The following LRRC56 variants were observed in gnomAD, a reference collection of about 807,000 sequenced individuals.
LRRC56 encodes leucine-rich repeat-containing protein 56.
Under a neutral mutation model 47.8 loss-of-function variants are expected in LRRC56, and 41 were observed. The observed-to-expected ratio is 0.86, with a 90% CI of 0.67 to 1.11. The LOEUF is 1.11. Ranked by LOEUF, LRRC56 falls within the 50% of genes most tolerant of loss-of-function variation. The pLI, the probability that LRRC56 is intolerant of heterozygous loss-of-function variation, is 0.00. For missense variants in LRRC56, 759 were observed against 704.2 expected (o/e 1.08, Z -0.88); for synonymous variants, 387 against 311.2 (o/e 1.24, Z -2.56).
At chr11:526,107 T>C in the LRRC56 span, among the ~76,000 whole-genome samples, 5 of 151,410 alleles carry the variant, frequency 3.3e-5, no homozygotes, top group Admixed American at 6.6e-5. Flanking sequence ...CTCGGGAGGC[T>C]GAGGCAGGAG....
At chr11:533,867 C>T (rs2133990918), upstream of LRRC56, 3 of 1,613,344 alleles carry the variant, frequency 1.9e-6, no homozygotes, top group Non-Finnish European at 1.7e-6. Context: ...TGGCGCTGTA[C>T]TCCTCCTGGC....
At chr11:536,643 C>T (rs1216241301), upstream of LRRC56, among the ~76,000 whole-genome samples, 1 of 152,158 alleles carries the variant, frequency 6.6e-6, no homozygotes, top group East Asian at 1.9e-4. Context: ...CAGTGGCGCG[C>T]GCCTGTAGTC....
chr11:508,199 T>A, the LRRC56 span, among the ~76,000 whole-genome samples: 1 of 152,352 alleles, frequency 6.6e-6, no homozygotes, highest in African/African-American at 2.4e-5. Context: ...AGGGTCTCAC[T>A]CCACTGCTTA....
rs73401681 is a variant in LRRC56 at position 539,706 on chromosome 11, A to T, written c.-32A>T. ...CCACTGCGCCCCGCCAGACGTCTGC[A>T]TCTTTAAGGGGCAACACCAGGTAAG... On this transcript the variant is annotated 5_prime_UTR_variant, in exon 3 of 14. Coordinates refer to ENST00000270115, the MANE Select transcript of LRRC56 (RefSeq NM_198075.4). The T allele has an allele frequency of 0.11, 16,040 of 152,254 alleles. 968 individuals carry two copies. Among genetic ancestry groups the T allele is most frequent in the South Asian group, 0.18 (893 of 4,838 alleles). The allele number at this position is 152,254 out of a possible 1,614,324, so 9.4% of individuals were successfully genotyped here.
At chr11:545,679 G>A (rs1278235038) in intron 6 of LRRC56, among the ~76,000 whole-genome samples, 1 of 152,194 alleles carries the variant, frequency 6.6e-6, no homozygotes, top group Non-Finnish European at 1.5e-5. Flanking sequence ...AGCTGAAGAC[G>A]TTGGCGGCTC....
At chr11:527,514 G>A in the LRRC56 span, among the ~76,000 whole-genome samples, 8 of 152,056 alleles carry the variant, frequency 5.3e-5, no homozygotes, top group Admixed American at 1.3e-4. Flanking sequence ...TTGGCAAAAC[G>A]ATAGGGTAAG....
chr11:535,368 TG>T (rs1196501347), upstream of LRRC56: 6 of 144,584 alleles, frequency 4.1e-5, no homozygotes, highest in South Asian at 1.1e-3. Context: ...TGCTGCCGCC[TG>T]GGGGCGAGGA....
At position 549,882 on chromosome 11, in the gene LRRC56, C is replaced by T; in HGVS notation, c.327-20C>T. ...CACAGGGCTGGGCACATGTTGACCACCAAACCCTGCCTTCTGCAGGGACTT... is the reference window on the plus strand; with the variant it reads ...CACAGGGCTGGGCACATGTTGACCATCAAACCCTGCCTTCTGCAGGGACTT... On this transcript the variant is annotated intron_variant, in intron 6 of 13. Transcript: ENST00000270115. The T allele has an allele frequency of 6.2e-7, 1 of 1,609,802 alleles. No homozygotes were observed. The highest frequency in any genetic ancestry group is 8.5e-7 in the Non-Finnish European group (1 of 1,177,436).
At chr11:553,399 C>T (rs1296353035) in intron 13 of LRRC56, among the ~76,000 whole-genome samples, 3 of 152,106 alleles carry the variant, frequency 2.0e-5, no homozygotes, top group Non-Finnish European at 4.4e-5. Flanking sequence ...AGCCTCTGCT[C>T]TTCCATATGG....
Position 554,374 on chromosome 11 carries a change from T to A in LRRC56, c.*98T>A. The A allele has an allele frequency of 6.4e-6, 7 of 1,098,594 alleles. No individual in the cohort carries two copies. Among genetic ancestry groups the A allele is most frequent in the Non-Finnish European group, 8.5e-6 (7 of 828,382 alleles). 68.1% of individuals were successfully genotyped at this position (1,098,594 alleles called of 1,614,324 possible). ...ATACCTGGGCGGGTGTGTTGGGGGGTGGAAGGAGTGCCTGGCCCTGGGGAG... is the reference window on the plus strand; with the variant it reads ...ATACCTGGGCGGGTGTGTTGGGGGGAGGAAGGAGTGCCTGGCCCTGGGGAG... On this transcript the variant is annotated 3_prime_UTR_variant, in exon 14 of 14. Transcript: ENST00000270115.
chr11:513,640 C>T, the LRRC56 span, among the ~76,000 whole-genome samples: 5,984 of 152,106 alleles, frequency 0.039, 166 homozygotes, highest in Non-Finnish European at 0.063. Context: ...GCATCGCGTG[C>T]TACGGAGAAA....
At chr11:543,629 T>G (rs961994361) in intron 5 of LRRC56, among the ~76,000 whole-genome samples, 1 of 152,202 alleles carries the variant, frequency 6.6e-6, no homozygotes, top group Non-Finnish European at 1.5e-5. Context: ...TGTATTGTTT[T>G]GCAATGGCCT....
At position 541,071 on chromosome 11, in the gene LRRC56, C is replaced by T. The variant is rs938720330; in HGVS notation, c.177+210C>T. 4.6e-5 allele frequency among the ~76,000 whole-genome samples: 7 copies of T among 152,176 alleles called. No homozygotes were observed. The highest frequency in any genetic ancestry group is 3.3e-4 in the Admixed American group (5 of 15,272). ...ACCAGGCCCCAAAACACCAGCAACA[C>T]CAGGTGCTCAGTGACACAGACGTCC... is the stretch of plus-strand genomic sequence containing the variant. On this transcript the variant is annotated intron_variant, in intron 4 of 13. Coordinates refer to ENST00000270115, the MANE Select transcript of LRRC56 (RefSeq NM_198075.4). The surrounding 1 kb of genome is among the most constrained non-coding windows in gnomAD (Gnocchi z 4.1).
the LRRC56 span, among the ~76,000 whole-genome samples, chr11:522,192 C>A: frequency 1.3e-5 from 2 of 151,920 alleles, no homozygotes; most frequent in African/African-American, 4.8e-5. Context: ...GTGATTCTCA[C>A]TTTATCCTCC....
chr11:511,137 C>T, the LRRC56 span, among the ~76,000 whole-genome samples: 4 of 151,418 alleles, frequency 2.6e-5, no homozygotes, highest in Non-Finnish European at 5.9e-5. Context: ...CTGGCTAACA[C>T]GGTAAAACCG....
upstream of LRRC56, chr11:533,506 G>A (rs776888712): frequency 5.6e-6 from 9 of 1,613,582 alleles, no homozygotes; most frequent in African/African-American, 5.3e-5. Context: ...CTTCGGGCGA[G>A]GTCCTGAGCC....
At chr11:531,093 G>A in the LRRC56 span, among the ~76,000 whole-genome samples, 5 of 140,012 alleles carry the variant, frequency 3.6e-5, no homozygotes, top group Non-Finnish European at 4.7e-5. Flanking sequence ...AGAAGGGCGA[G>A]TGTGGCGTCC....
At chr11:540,936 G>T in intron 4 of LRRC56, 75 bp downstream of exon 4, 2 of 1,236,506 alleles carry the variant, frequency 1.6e-6, no homozygotes, top group Non-Finnish European at 1.1e-6. Flanking sequence ...TCCTGCTGAT[G>T]GTCCAGCCTG....
chr11:529,372 AG>A, the LRRC56 span: 1 of 152,438 alleles, frequency 6.6e-6, no homozygotes, highest in Non-Finnish European at 1.5e-5. Flanking sequence ...TCCTCAGTTC[AG>A]GTTTTTGCCA....
Sources: allele counts gnomAD v4.1 joint callset (sites outside exome capture counted in the v4.1 genomes callset), GRCh38; gene constraint gnomAD v4.1.1; non-coding constraint Gnocchi (gnomAD v3.1); transcripts MANE v1.5; gene names NCBI Gene and HGNC (gene_info 2026-07-23, HGNC 2026-07-21).